Variants in ESS2 observed in about 807,000 individuals in gnomAD.
The protein encoded by ESS2 is splicing factor ESS-2 homolog.
In ESS2, 31 loss-of-function variants were observed where a neutral mutation model predicts 52.0. That is an observed-to-expected ratio of 0.60 (90% CI 0.45 to 0.81). ESS2 has a LOEUF of 0.81. Ranked by LOEUF, ESS2 falls within the 30% of genes least tolerant of loss-of-function variation. ESS2 has a pLI of 0.00. For missense variants in ESS2, 602 were observed against 637.2 expected, an observed-to-expected ratio of 0.94 and a Z score of 0.59; for synonymous variants, 285 against 259.2, an observed-to-expected ratio of 1.10 and a Z score of -0.95.
At position 19,133,699 on chromosome 22, in the gene ESS2, T is replaced by G. The variant is rs2083532283; in HGVS notation, c.*497A>C. The G allele has an allele frequency of 6.5e-6, 1 of 153,438 alleles. No homozygotes were observed. Among genetic ancestry groups the G allele is most frequent in the South Asian group, 2.1e-4 (1 of 4,848 alleles). The allele number at this position is 153,438 out of a possible 1,614,324, so 9.5% of individuals were successfully genotyped here. On this transcript the variant is annotated 3_prime_UTR_variant, in exon 10 of 10. Transcript: ENST00000252137. The stretch of plus-strand genomic sequence containing the variant: ...CAACTTCCAAGGGCTCCGTTTCTCC[T>G]TCATATCCCCCCAGAGAAGCAGAAA...
rs916963451 is a variant in ESS2 at position 19,131,202 on chromosome 22, C to G, written c.*2994G>C. 5 of 581,712 alleles carry G rather than the reference C, an allele frequency of 8.6e-6. No homozygotes were observed. In the East Asian group the frequency reaches 1.2e-4, roughly 13 times the overall value. 36.0% of individuals were successfully genotyped at this position (581,712 alleles called of 1,614,324 possible). ...AGACCCTGTTCTCCCTCAGCCCAGT[C>G]CCCGCCCCCACTCCTTGGCTTTATG... On this transcript the variant is annotated 3_prime_UTR_variant, in exon 10 of 10. Coordinates refer to ENST00000252137, the MANE Select transcript of ESS2 (RefSeq NM_022719.3). The surrounding 1 kb of genome is among the most constrained non-coding windows in gnomAD (Gnocchi z 5.7).
chr22:19,143,328 A>G (rs938427073), intron 1 of ESS2, among the ~76,000 whole-genome samples: 1 of 152,022 alleles, frequency 6.6e-6, no homozygotes, highest in Admixed American at 6.6e-5. Context: ...TTCCCCAATG[A>G]CTGGGGCTGG....
chr22:19,139,774 C>T (rs767775744), intron 4 of ESS2, 45 bp from the exon 5 acceptor site: 1 of 1,613,930 alleles, frequency 6.2e-7, no homozygotes, highest in Non-Finnish European at 8.5e-7. Flanking sequence ...TGCCCCTGGG[C>T]ATTGTACCCA....
intron 8 of ESS2, among the ~76,000 whole-genome samples, chr22:19,137,038 G>A (rs1430722390): frequency 6.6e-6 from 1 of 152,060 alleles, no homozygotes; most frequent in African/African-American, 2.4e-5. Context: ...CTCCTCACGT[G>A]TCTGTGACCA....
In ESS2 at chr22:19,138,264, G is replaced by A. The variant is rs778164472; in HGVS notation, c.876C>T (p.Ser292=). ...PDGKELIPQE[S]PRVGGFGFVA... Reference sequence around the variant, plus strand: ...CAAATCCAAATCCACCCACTCGAGGGGACTCCTGGGGGATCAGCTCCTTGC... The same window carrying A: ...CAAATCCAAATCCACCCACTCGAGGAGACTCCTGGGGGATCAGCTCCTTGC... Residue 292 remains serine (S), a synonymous_variant, in exon 7 of 10, where the codon TCC becomes TCT. Transcript: ENST00000252137. 1.2e-6 allele frequency: 2 copies of A among 1,613,976 alleles called. No homozygotes were observed. Among genetic ancestry groups the A allele is most frequent in the Admixed American group, 1.7e-5 (1 of 60,000 alleles).
intron 7 of ESS2, 101 bp downstream of exon 7, chr22:19,138,114 A>G: frequency 6.4e-7 from 1 of 1,569,044 alleles, no homozygotes; most frequent in Non-Finnish European, 8.6e-7. Flanking sequence ...GGTGTGGGGC[A>G]GGCCAGGTAG....
chr22:19,131,966 C>T lies in ESS2; in HGVS notation c.*2230G>A, dbSNP rs2083512523. On this transcript the variant is annotated 3_prime_UTR_variant, in exon 10 of 10. Coordinates refer to ENST00000252137, the MANE Select transcript of ESS2 (RefSeq NM_022719.3). The surrounding 1 kb of genome is among the most constrained non-coding windows in gnomAD (Gnocchi z 5.7). ...ATGCAGCCCCCGAGGTGCTGCAGAG[C>T]ATCCCCTACCAGCCCAAGGTGTATG... 1.2e-6 allele frequency: 2 copies of T among 1,614,092 alleles called. No homozygotes were observed. The highest frequency in any genetic ancestry group is 1.7e-6 in the Non-Finnish European group (2 of 1,180,048).
chr22:19,144,139 A>C lies in ESS2; in HGVS notation c.135+367T>G, dbSNP rs2083743484. ...GTCCACTCACTCGAGATGCTGTCAC[A>C]ACTGCGGTCTCTTTCCAGGAACCCC... is the stretch of plus-strand genomic sequence containing the variant. On this transcript the variant is annotated intron_variant, in intron 1 of 9. Transcript: ENST00000252137. 8 of 1,054,838 alleles carry C rather than the reference A, an allele frequency of 7.6e-6. No individual in the cohort carries two copies. In the South Asian group the frequency reaches 2.0e-4, roughly 26 times the overall value. 65.3% of individuals were successfully genotyped at this position (1,054,838 alleles called of 1,614,324 possible). A position where few individuals can be genotyped will look rare whatever the true frequency, so the allele number is the denominator to read the frequency against.
rs769090635 is a variant in ESS2, at chr22:19,139,845, CCA to C, written c.570+8_570+9del. 5 of 1,613,988 alleles carry C rather than the reference CCA, an allele frequency of 3.1e-6. No individual in the cohort carries two copies. The African/African-American group carries it at 6.7e-5, about 22-fold the overall frequency. On this transcript the variant is annotated splice_region_variant and intron_variant, in intron 4 of 9. Coordinates refer to ENST00000252137, the MANE Select transcript of ESS2 (RefSeq NM_022719.3). ...CTACGCCTATGTGACACCCCAGACC[CCA>C]GAGACACCTTCTCAAACTCTTCCTC...
In ESS2 at chr22:19,130,732, G is replaced by T. The variant is rs904640197; in HGVS notation, c.*3464C>A. Reference sequence around the variant, plus strand: ...TTGCTCCAGCAAAAGAGAAGCCCATGCAAGGCTCCTGCTGACCATGTTTCA... The same window carrying T: ...TTGCTCCAGCAAAAGAGAAGCCCATTCAAGGCTCCTGCTGACCATGTTTCA... On this transcript the variant is annotated 3_prime_UTR_variant, in exon 10 of 10. Coordinates refer to ENST00000252137, the MANE Select transcript of ESS2 (RefSeq NM_022719.3). 4.8e-6 allele frequency: 1 copy of T among 209,006 alleles called. No individual in the cohort carries two copies. The highest frequency in any genetic ancestry group is 2.4e-5 in the African/African-American group (1 of 42,426). 12.9% of individuals were successfully genotyped at this position (209,006 alleles called of 1,614,324 possible). A position where few individuals can be genotyped will look rare whatever the true frequency, so the allele number is the denominator to read the frequency against.
chr22:19,139,036 A>G, intron 6 of ESS2, 123 bp downstream of exon 6: 1 of 1,315,188 alleles, frequency 7.6e-7, no homozygotes, highest in Non-Finnish European at 1.0e-6. Flanking sequence ...CCTGCCGCAC[A>G]GGGCCCCAGA....
chr22:19,135,019 A>G, intron 9 of ESS2, 41 bp downstream of exon 9: 1 of 1,583,568 alleles, frequency 6.3e-7, no homozygotes, highest in Non-Finnish European at 8.6e-7. Flanking sequence ...AGCAGGCCAG[A>G]GCCACCCTCG....
chr22:19,133,190 T>C lies in ESS2; in HGVS notation c.*1006A>G, dbSNP rs924159269. On this transcript the variant is annotated 3_prime_UTR_variant, in exon 10 of 10. Transcript: ENST00000252137. ...TTGATGATGGCACACTGGCCGGTCT[T>C]TTGTGCTTCCTGCTGGGTCACCCAT... 1 of 152,284 alleles carries C rather than the reference T, an allele frequency of 6.6e-6. No individual in the cohort carries two copies. The highest frequency in any genetic ancestry group is 1.5e-5 in the Non-Finnish European group (1 of 68,100). The allele number at this position is 152,284 out of a possible 1,614,324, so 9.4% of individuals were successfully genotyped here.
Position 19,131,198 on chromosome 22 carries a change from C to T in ESS2, c.*2998G>A, listed in dbSNP as rs957412845. On this transcript the variant is annotated 3_prime_UTR_variant, in exon 10 of 10. Coordinates refer to ENST00000252137, the MANE Select transcript of ESS2 (RefSeq NM_022719.3). The surrounding 1 kb of genome is among the most constrained non-coding windows in gnomAD (Gnocchi z 5.7). ...CCAGAGACCCTGTTCTCCCTCAGCC[C>T]AGTCCCCGCCCCCACTCCTTGGCTT... 3.5e-6 allele frequency: 2 copies of T among 574,860 alleles called. No individual in the cohort carries two copies. Among genetic ancestry groups the T allele is most frequent in the Admixed American group, 3.3e-5 (1 of 30,220 alleles). 35.6% of individuals were successfully genotyped at this position (574,860 alleles called of 1,614,324 possible). A position where few individuals can be genotyped will look rare whatever the true frequency, so the allele number is the denominator to read the frequency against.
At position 19,132,541 on chromosome 22, in the gene ESS2, C is replaced by A; in HGVS notation, c.*1655G>T. 6.8e-7 allele frequency: 1 copy of A among 1,480,998 alleles called. No homozygotes were observed. The highest frequency in any genetic ancestry group is 1.4e-5 in the African/African-American group (1 of 71,466). The allele number at this position is 1,480,998 out of a possible 1,614,324, so 91.7% of individuals were successfully genotyped here. A position where few individuals can be genotyped will look rare whatever the true frequency, so the allele number is the denominator to read the frequency against. ...TGGGGGGCATGGTGCAGTCGGCCTT[C>A]ACGTAAACTAAGTAGGCAGGTAGGA... On this transcript the variant is annotated 3_prime_UTR_variant, in exon 10 of 10. Coordinates refer to ENST00000252137, the MANE Select transcript of ESS2 (RefSeq NM_022719.3). The surrounding 1 kb of genome is among the most constrained non-coding windows in gnomAD (Gnocchi z 4.2).
In ESS2 at chr22:19,138,328, CAG is replaced by C. The variant is rs1448095038; in HGVS notation, c.823-13_823-12del. 1.6e-5 allele frequency: 26 copies of C among 1,613,100 alleles called. No homozygotes were observed. Among genetic ancestry groups the C allele is most frequent in the Non-Finnish European group, 2.0e-5 (24 of 1,179,426 alleles). ...CTTGCCCTGTTTGTGCTGGAACAAG[CAG>C]AGAGGCTGGCATCAGGGGGACCGCA... On this transcript the variant is annotated splice_polypyrimidine_tract_variant and intron_variant, in intron 6 of 9. Coordinates refer to ENST00000252137, the MANE Select transcript of ESS2 (RefSeq NM_022719.3).
chr22:19,134,603 A>G, intron 9 of ESS2, 128 bp from the exon 10 acceptor site: 1 of 1,046,510 alleles, frequency 9.6e-7, no homozygotes, highest in East Asian at 2.9e-5. Flanking sequence ...GGAGGATGGT[A>G]CTGCCAGCAT....
At chr22:19,140,157 T>C in intron 3 of ESS2, 133 bp from the exon 4 acceptor site, 1 of 1,156,928 alleles carries the variant, frequency 8.6e-7, no homozygotes, top group Non-Finnish European at 1.2e-6. Context: ...CTTCTGCCCA[T>C]GAAAGCCCAC....
chr22:19,140,863 C>G (rs1019980456), intron 3 of ESS2, among the ~76,000 whole-genome samples: 1 of 152,236 alleles, frequency 6.6e-6, no homozygotes, highest in African/African-American at 2.4e-5. Context: ...ATCTCTGAGA[C>G]CTGCAGAAGT....
Sources: allele counts gnomAD v4.1 joint callset (sites outside exome capture counted in the v4.1 genomes callset), GRCh38; gene constraint gnomAD v4.1.1; non-coding constraint Gnocchi (gnomAD v3.1); transcripts MANE v1.5; gene names NCBI Gene and HGNC (gene_info 2026-07-23, HGNC 2026-07-21).